Variants in SEMG1 observed in about 807,000 individuals in gnomAD.
The protein encoded by SEMG1 is semenogelin-1.
SEMG1 carries 6 observed loss-of-function variants against 8.8 expected under a neutral mutation model. That is an observed-to-expected ratio of 0.68 (90% CI 0.37 to 1.35). The LOEUF is 1.35. SEMG1 is among the 40% of genes most tolerant of loss of function. The pLI, the probability that SEMG1 is intolerant of heterozygous loss-of-function variation, is 0.02. For synonymous variants in SEMG1, 221 were observed against 190.3 expected, an observed-to-expected ratio of 1.16 and a Z score of -1.33; for missense variants, 580 against 533.6, an observed-to-expected ratio of 1.09 and a Z score of -0.86.
At position 45,207,100 on chromosome 20, in the gene SEMG1, A is replaced by AGAAGCAAGCAGCTGT; in HGVS notation, c.50_64dup (p.Lys17_Val21dup). On this transcript the variant is annotated inframe_insertion, in exon 1 of 3. Transcript: ENST00000372781. Reference sequence around the variant, plus strand: ...GTACTTTCCCTGCTCCTCATCTTGGAGAAGCAAGCAGCTGTGATGGGACAA... The same window carrying AGAAGCAAGCAGCTGT: ...GTACTTTCCCTGCTCCTCATCTTGGAGAAGCAAGCAGCTGTGAAGCAAGCAGCTGTGATGGGACAA... 1 of 1,613,860 alleles carries AGAAGCAAGCAGCTGT rather than the reference A, an allele frequency of 6.2e-7. No individual in the cohort carries two copies. The highest frequency in any genetic ancestry group is 8.5e-7 in the Non-Finnish European group (1 of 1,179,802).
At position 45,208,250 on chromosome 20, in the gene SEMG1, C is replaced by G. The variant is rs1264542539; in HGVS notation, c.953C>G (p.Thr318Ser). ...TCCCAAAGCAGTATTTATAGCCAAA[C>G]TGAAGAGAAAGCACAGGGCAAGTCT... The part of the protein sequence containing the change: ...DVSQSSIYSQ[T>S]EEKAQGKSQK... The change falls in exon 2 of 3, where the codon ACT becomes AGT. Residue 318 changes from threonine to serine, a missense_variant. Thr to Ser is a moderately conservative substitution (Grantham distance 58). Coordinates refer to ENST00000372781, the MANE Select transcript of SEMG1 (RefSeq NM_003007.5). 1 of 1,610,856 alleles carries G rather than the reference C, an allele frequency of 6.2e-7. No homozygotes were observed. The highest frequency in any genetic ancestry group is 1.3e-5 in the African/African-American group (1 of 74,344).
Position 45,207,710 on chromosome 20 carries a change from G to A in SEMG1, c.413G>A (p.Gly138Glu), listed in dbSNP as rs745943490. ...IHHKGGKAHR[G>E]TQNPSQDQGN... ...CATAAAGGAGGCAAAGCTCATCGTGGGACACAAAATCCTTCTCAAGATCAG... is the reference window on the plus strand; with the variant it reads ...CATAAAGGAGGCAAAGCTCATCGTGAGACACAAAATCCTTCTCAAGATCAG... Residue 138 changes from glycine (G) to glutamate (E), a missense_variant, in exon 2 of 3, where the codon GGG (glycine) becomes GAG (glutamate). Physicochemically the swap from Gly to Glu is moderately conservative, Grantham distance 98. Transcript: ENST00000372781. 5.0e-6 allele frequency: 8 copies of A among 1,613,864 alleles called. No homozygotes were observed. The East Asian group carries it at 8.9e-5, about 18-fold the overall frequency.
At position 45,208,167 on chromosome 20, in the gene SEMG1, T is replaced by C. The variant is rs1983751660; in HGVS notation, c.870T>C (p.Ser290=). 8 of 1,613,906 alleles carry C rather than the reference T, an allele frequency of 5.0e-6. No individual in the cohort carries two copies. Among genetic ancestry groups the C allele is most frequent in the African/African-American group, 4.0e-5 (3 of 74,866 alleles). The part of the protein sequence containing the change: ...GRKANKISYQ[S]SSTEERRLHY... The stretch of plus-strand genomic sequence containing the variant: ...AGGCAAATAAAATATCATACCAATC[T>C]TCAAGTACAGAAGAAAGACGACTCC... Residue 290 remains serine, a synonymous_variant, in exon 2 of 3, where the codon TCT becomes TCC. Transcript: ENST00000372781.
Position 45,208,301 on chromosome 20 carries a change from A to G in SEMG1, c.1004A>G (p.Gln335Arg). The change falls in exon 2 of 3, where the codon CAA becomes CGA. Residue 335 changes from glutamine (Q) to arginine (R), a missense_variant. Gln to Arg is a conservative substitution (Grantham distance 43). Coordinates refer to ENST00000372781, the MANE Select transcript of SEMG1 (RefSeq NM_003007.5). ...KSQKQITIPS[Q>R]EQEHSQKANK... ...CAAAAACAGATAACAATTCCCAGTC[A>G]AGAGCAAGAGCATAGCCAAAAGGCA... 1 of 1,611,048 alleles carries G rather than the reference A, an allele frequency of 6.2e-7. No individual in the cohort carries two copies. The highest frequency in any genetic ancestry group is 8.5e-7 in the Non-Finnish European group (1 of 1,178,590).
chr20:45,208,657 A>G lies in SEMG1; in HGVS notation c.1360A>G (p.Asn454Asp). 3 of 1,611,344 alleles carry G rather than the reference A, an allele frequency of 1.9e-6. No individual in the cohort carries two copies. The highest frequency in any genetic ancestry group is 2.5e-6 in the Non-Finnish European group (3 of 1,178,682). Reference protein sequence around the residue: ...DSDRHLAQHLNNDRNPLFT With the variant: ...DSDRHLAQHLDNDRNPLFT The stretch of plus-strand genomic sequence containing the variant: ...TGATCGTCATTTGGCACAACATCTT[A>G]ACAACGACCGAAACCCATTATTTAC... The change falls in exon 2 of 3, where the codon AAC (asparagine) becomes GAC (aspartate). Residue 454 changes from asparagine (N) to aspartate (D), a missense_variant. Transcript: ENST00000372781.
Position 45,208,628 on chromosome 20 carries a change from A to T in SEMG1, c.1331A>T (p.Asp444Val). The T allele has an allele frequency of 6.2e-7, 1 of 1,613,048 alleles. No individual in the cohort carries two copies. Among genetic ancestry groups the T allele is most frequent in the Non-Finnish European group, 8.5e-7 (1 of 1,179,672 alleles). ...ATTGTAATTATAGAGCAGGAAGATG[A>T]CAGTGATCGTCATTTGGCACAACAT... Reference protein sequence around the residue: ...LDIVIIEQEDDSDRHLAQHLN... With the variant: ...LDIVIIEQEDVSDRHLAQHLN... Residue 444 changes from aspartate (D) to valine (V), a missense_variant, in exon 2 of 3, where the codon GAC becomes GTC. By Grantham distance (152) the Asp-to-Val change is radical (BLOSUM62 -3). Coordinates refer to ENST00000372781, the MANE Select transcript of SEMG1 (RefSeq NM_003007.5).
At position 45,208,246 on chromosome 20, in the gene SEMG1, C is replaced by T. The variant is rs755778387; in HGVS notation, c.949C>T (p.Gln317Ter). The change falls in exon 2 of 3, where the codon CAA becomes TAA. Residue 317 changes from glutamine to a stop codon, truncating the protein, a stop_gained. Coordinates refer to ENST00000372781, the MANE Select transcript of SEMG1 (RefSeq NM_003007.5). LOFTEE classifies it low-confidence loss of function (END_TRUNC). ...TGTATCCCAAAGCAGTATTTATAGC[C>T]AAACTGAAGAGAAAGCACAGGGCAA... ...KDVSQSSIYS[Q>*]TEEKAQGKSQ... 1 of 1,611,580 alleles carries T rather than the reference C, an allele frequency of 6.2e-7. No individual in the cohort carries two copies. The highest frequency in any genetic ancestry group is 8.5e-7 in the Non-Finnish European group (1 of 1,178,920).
At position 45,208,705 on chromosome 20, in the gene SEMG1, A is replaced by G. The variant is rs564205041; in HGVS notation, c.*19A>G. The stretch of plus-strand genomic sequence containing the variant: ...TACATAAACCTACCATTCGGTAACC[A>G]TGTGAAAGGATGGACCAATATCAAG... On this transcript the variant is annotated 3_prime_UTR_variant, in exon 2 of 3. Transcript: ENST00000372781. 8.6e-6 allele frequency: 13 copies of G among 1,519,018 alleles called. No homozygotes were observed. Among genetic ancestry groups the G allele is most frequent in the Non-Finnish European group, 1.1e-5 (12 of 1,110,858 alleles). The allele number at this position is 1,519,018 out of a possible 1,614,324, so 94.1% of individuals were successfully genotyped here.
chr20:45,207,408 C>T lies in SEMG1; in HGVS notation c.111C>T (p.Ser37=). The change falls in exon 2 of 3, where the codon TCC becomes TCT. Residue 37 remains serine (S), a synonymous_variant. Coordinates refer to ENST00000372781, the MANE Select transcript of SEMG1 (RefSeq NM_003007.5). ...AAGGCCGATTACCAAGTGAATTTTC[C>T]CAATTTCCACACGGACAAAAGGGCC... The part of the protein sequence containing the change: ...GSKGRLPSEF[S]QFPHGQKGQH... 1.2e-6 allele frequency: 2 copies of T among 1,611,156 alleles called. No individual in the cohort carries two copies. Among genetic ancestry groups the T allele is most frequent in the South Asian group, 2.2e-5 (2 of 90,348 alleles).
rs764132489 is a variant in SEMG1 at position 45,208,124 on chromosome 20, A to G, written c.827A>G (p.Asp276Gly). Residue 276 changes from aspartate to glycine, a missense_variant, in exon 2 of 3, where the codon GAT becomes GGT. Physicochemically the swap from Asp to Gly is moderately conservative, Grantham distance 94. Coordinates refer to ENST00000372781, the MANE Select transcript of SEMG1 (RefSeq NM_003007.5). ...NQHQTKNLNQ[D>G]QQHGRKANKI... is the part of the protein sequence containing the mutation. Reference sequence around the variant, plus strand: ...CACCAGACAAAAAATCTCAATCAAGATCAACAGCATGGCCGAAAGGCAAAT... The same window carrying G: ...CACCAGACAAAAAATCTCAATCAAGGTCAACAGCATGGCCGAAAGGCAAAT... 1 of 1,614,136 alleles carries G rather than the reference A, an allele frequency of 6.2e-7. No individual in the cohort carries two copies. The highest frequency in any genetic ancestry group is 2.2e-5 in the East Asian group (1 of 44,882).
chr20:45,207,791 G>T lies in SEMG1; in HGVS notation c.494G>T (p.Arg165Met), dbSNP rs779039303. ...AGTCAATATTCAAACACAGAAGAAA[G>T]GCTGTGGGTTCATGGACTAAGTAAA... The part of the protein sequence containing the change: ...ISSQYSNTEE[R>M]LWVHGLSKEQ... The change falls in exon 2 of 3, where the codon AGG becomes ATG. Residue 165 changes from arginine (R) to methionine (M), a missense_variant. Physicochemically the swap from Arg to Met is moderately conservative, Grantham distance 91 (BLOSUM62 -1). Coordinates refer to ENST00000372781, the MANE Select transcript of SEMG1 (RefSeq NM_003007.5). The T allele has an allele frequency of 5.0e-6, 8 of 1,614,016 alleles. No individual in the cohort carries two copies. The Admixed American group carries it at 8.3e-5, about 17-fold the overall frequency.
chr20:45,207,205 TA>T, intron 1 of SEMG1, 76 bp downstream of exon 1: 1 of 1,577,330 alleles, frequency 6.3e-7, no homozygotes, highest in Non-Finnish European at 8.7e-7. Context: ...GTGCAAACAG[TA>T]ACCTGTTTAG....
In SEMG1 at chr20:45,208,318, C is replaced by T. The variant is rs1732533407; in HGVS notation, c.1021C>T (p.Gln341Ter). 2 of 1,609,076 alleles carry T rather than the reference C, an allele frequency of 1.2e-6. No homozygotes were observed. The highest frequency in any genetic ancestry group is 1.3e-5 in the African/African-American group (1 of 74,448). ...TCCCAGTCAAGAGCAAGAGCATAGC[C>T]AAAAGGCAAATAAAATATCATACCA... is the stretch of plus-strand genomic sequence containing the variant. ...TIPSQEQEHS[Q>*]KANKISYQSS... is the part of the protein sequence containing the mutation. The change falls in exon 2 of 3, where the codon CAA becomes TAA. Residue 341 changes from glutamine to a stop codon, truncating the protein, a stop_gained. Transcript: ENST00000372781. LOFTEE classifies it low-confidence loss of function (END_TRUNC).
rs1436494061 is a variant in SEMG1, at chr20:45,208,730, G to C, written c.*44G>C. ...ATGTGAAAGGATGGACCAATATCAAGGTAATTTTTTTTTAGCAAATAGGGG... is the reference window on the plus strand; with the variant it reads ...ATGTGAAAGGATGGACCAATATCAACGTAATTTTTTTTTAGCAAATAGGGG... On this transcript the variant is annotated splice_region_variant and 3_prime_UTR_variant, in exon 2 of 3. Transcript: ENST00000372781. 2 of 1,413,104 alleles carry C rather than the reference G, an allele frequency of 1.4e-6. No homozygotes were observed. Among genetic ancestry groups the C allele is most frequent in the South Asian group, 1.3e-5 (1 of 74,258 alleles). The allele number at this position is 1,413,104 out of a possible 1,614,324, so 87.5% of individuals were successfully genotyped here. A position where few individuals can be genotyped will look rare whatever the true frequency, so the allele number is the denominator to read the frequency against.
At position 45,207,035 on chromosome 20, in the gene SEMG1, A is replaced by C; in HGVS notation, c.-19A>C. On this transcript the variant is annotated 5_prime_UTR_variant, in exon 1 of 3. Transcript: ENST00000372781. ...ATGACAAGGTCGGCTCAGCTCTCAG[A>C]CAAGGTTTTCCAAGCAAGATGAAGC... The C allele has an allele frequency of 6.2e-7, 1 of 1,613,554 alleles. No individual in the cohort carries two copies. Among genetic ancestry groups the C allele is most frequent in the Non-Finnish European group, 8.5e-7 (1 of 1,179,618 alleles).
At chr20:45,207,165 C>T in intron 1 of SEMG1, 36 bp downstream of exon 1, 2 of 1,612,778 alleles carry the variant, frequency 1.2e-6, no homozygotes, top group Non-Finnish European at 1.7e-6. Context: ...GAAAGCTGCT[C>T]AGACAGCTAA....
intron 2 of SEMG1, 25 bp downstream of exon 2, chr20:45,208,755 G>T (rs1432288309): frequency 1.9e-6 from 2 of 1,038,186 alleles, no homozygotes; most frequent in Admixed American, 2.2e-5. Context: ...GCAAATAGGG[G>T]AGATATCTCT....
Position 45,207,707 on chromosome 20 carries a change from G to T in SEMG1, c.410G>T (p.Arg137Leu). ...CACCATAAAGGAGGCAAAGCTCATC[G>T]TGGGACACAAAATCCTTCTCAAGAT... ...VIHHKGGKAH[R>L]GTQNPSQDQG... The change falls in exon 2 of 3, where the codon CGT becomes CTT. Residue 137 changes from arginine (R) to leucine (L), a missense_variant. Physicochemically the swap from Arg to Leu is moderately radical, Grantham distance 102. Transcript: ENST00000372781. 4 of 1,613,928 alleles carry T rather than the reference G, an allele frequency of 2.5e-6. No individual in the cohort carries two copies. Among genetic ancestry groups the T allele is most frequent in the South Asian group, 2.2e-5 (2 of 91,074 alleles).
At chr20:45,209,112 G>A (rs1983787250) in intron 2 of SEMG1, among the ~76,000 whole-genome samples, 1 of 152,022 alleles carries the variant, frequency 6.6e-6, no homozygotes, top group African/African-American at 2.4e-5. Flanking sequence ...TTCCTATATA[G>A]TATAAAGGAT....
Sources: gnomAD v4.1 joint callset for allele counts (sites outside exome capture counted in the v4.1 genomes callset) on GRCh38, gnomAD v4.1.1 for gene constraint, MANE v1.5 for transcripts, NCBI Gene and HGNC (gene_info 2026-07-23, HGNC 2026-07-21) for gene names.